Variants in EIF4G3 observed in about 807,000 individuals in gnomAD.
EIF4G3 encodes the protein eIF-4-gamma 3.
Under a neutral mutation model 186.4 loss-of-function variants are expected in EIF4G3, and 34 were observed. The observed-to-expected ratio is 0.18, with a 90% confidence interval of 0.14 to 0.24. EIF4G3 has a LOEUF of 0.24. Among genes scored for constraint, EIF4G3 ranks in the 10% least tolerant of loss-of-function variants. The probability of loss-of-function intolerance (pLI) is 1.00; values close to 1 mark genes in which losing one functional copy is unlikely to be tolerated. For missense variants in EIF4G3, 1,536 were observed against 1,948.5 expected (o/e 0.79, Z 3.99); for synonymous variants, 673 against 679.5 (o/e 0.99, Z 0.15).
intron 4 of EIF4G3, among the ~76,000 whole-genome samples, chr1:21,032,941 A>C (rs1012569270): frequency 1.3e-5 from 2 of 152,238 alleles, no homozygotes; most frequent in African/African-American, 2.4e-5. Context: ...CAAATCCATC[A>C]TAATACAATG....
intron 4 of EIF4G3, among the ~76,000 whole-genome samples, chr1:21,029,965 C>T (rs889038135): frequency 1.3e-5 from 2 of 152,144 alleles, no homozygotes; most frequent in African/African-American, 4.8e-5. Context: ...AGGGGATCCT[C>T]CTACCTCAGC....
At chr1:21,147,589 C>T (rs10218778) in intron 2 of EIF4G3, among the ~76,000 whole-genome samples, 86,370 of 151,670 alleles carry the variant, frequency 0.57, 24,976 homozygotes, top group East Asian at 0.76. Flanking sequence ...CCTCAGCCTC[C>T]CAAAGTGCTG....
intron 4 of EIF4G3, among the ~76,000 whole-genome samples, chr1:21,004,997 A>C (rs2154569234): frequency 6.6e-6 from 1 of 152,232 alleles, no homozygotes; most frequent in African/African-American, 2.4e-5. Context: ...AAAGTATCTC[A>C]TGTCTATCAA....
chr1:20,839,909 CAAAA>C (rs58331252), intron 30 of EIF4G3, among the ~76,000 whole-genome samples: 2 of 128,496 alleles, frequency 1.6e-5, no homozygotes, highest in African/African-American at 3.0e-5. Flanking sequence ...ATGAGCTTGG[CAAAA>C]AAAAAAAAAA....
At chr1:21,033,465 A>G (rs932549012) in intron 4 of EIF4G3, among the ~76,000 whole-genome samples, 1 of 152,186 alleles carries the variant, frequency 6.6e-6, no homozygotes, top group African/African-American at 2.4e-5. Flanking sequence ...TTAAAAAAAA[A>G]AAAGTTAAAT....
chr1:21,069,155 A>G (rs1379890000), intron 3 of EIF4G3, among the ~76,000 whole-genome samples: 2 of 152,152 alleles, frequency 1.3e-5, no homozygotes, highest in Admixed American at 1.3e-4. Context: ...TAACTGATGT[A>G]TGTACACTCA....
chr1:20,984,424 C>G (rs972209505), intron 7 of EIF4G3, among the ~76,000 whole-genome samples: 4 of 151,564 alleles, frequency 2.6e-5, no homozygotes, highest in South Asian at 4.2e-4. Flanking sequence ...TTGGCCTCCC[C>G]CAAAGTGCTG....
In EIF4G3 at chr1:21,002,797, G is replaced by C; in HGVS notation, c.-55C>G. ...TGGTTGGACCTGCATTCTGTCCAGA[G>C]GGATAAGGGGTCTGTCAAAAAATGG... On this transcript the variant is annotated 5_prime_UTR_variant, in exon 5 of 37. Transcript: ENST00000602326. 1 of 1,587,574 alleles carries C rather than the reference G, an allele frequency of 6.3e-7. No homozygotes were observed.
intron 4 of EIF4G3, among the ~76,000 whole-genome samples, chr1:21,013,486 C>T (rs1570971865): frequency 6.6e-6 from 1 of 152,102 alleles, no homozygotes; most frequent in South Asian, 2.1e-4. Flanking sequence ...TTGTTTGCAT[C>T]GTTCTGGCTT....
intron 35 of EIF4G3, among the ~76,000 whole-genome samples, chr1:20,812,260 A>C (rs2059392748): frequency 6.6e-6 from 1 of 152,142 alleles, no homozygotes; most frequent in Admixed American, 6.5e-5. Flanking sequence ...CCACCATCTC[A>C]AGAAAACAAA....
chr1:20,845,355 G>A (rs1421077845), intron 29 of EIF4G3, among the ~76,000 whole-genome samples: 1 of 152,134 alleles, frequency 6.6e-6, no homozygotes, highest in Non-Finnish European at 1.5e-5. Flanking sequence ...TTTGGTTACT[G>A]TAGCCCTGTA....
intron 30 of EIF4G3, among the ~76,000 whole-genome samples, chr1:20,833,223 T>C (rs2154548340): frequency 6.7e-6 from 1 of 148,512 alleles, no homozygotes; most frequent in Admixed American, 6.8e-5. Context: ...TTTCACGATA[T>C]TGATTCTTCC....
chr1:21,145,759 A>G (rs569962985), intron 2 of EIF4G3, among the ~76,000 whole-genome samples: 3 of 152,184 alleles, frequency 2.0e-5, no homozygotes, highest in African/African-American at 7.2e-5. Flanking sequence ...AATCTAGCCA[A>G]TATCACAAAA....
At chr1:20,966,855 A>G (rs572568923) in intron 12 of EIF4G3, among the ~76,000 whole-genome samples, 1 of 152,292 alleles carries the variant, frequency 6.6e-6, no homozygotes, top group East Asian at 1.9e-4. Flanking sequence ...GGAAAATGAA[A>G]TATCTCTAGT....
At chr1:21,075,615 G>C (rs1210246300) in intron 3 of EIF4G3, among the ~76,000 whole-genome samples, 1 of 79,944 alleles carries the variant, frequency 1.3e-5, no homozygotes. Flanking sequence ...GACAGACATA[G>C]ACTAAAAGTG....
At chr1:20,984,469 A>G (rs2078991095) in intron 7 of EIF4G3, among the ~76,000 whole-genome samples, 1 of 151,884 alleles carries the variant, frequency 6.6e-6, no homozygotes, top group African/African-American at 2.4e-5. Flanking sequence ...CTTGGCCAAT[A>G]TACTAATTTT....
intron 4 of EIF4G3, among the ~76,000 whole-genome samples, chr1:21,035,184 T>G (rs1239816273): frequency 2.6e-5 from 4 of 152,266 alleles, no homozygotes; most frequent in Admixed American, 2.6e-4. Flanking sequence ...TCAACCTCAC[T>G]TCTGGCCGTG....
chr1:20,957,057 T>C (rs1002234406), intron 12 of EIF4G3, among the ~76,000 whole-genome samples: 1 of 152,196 alleles, frequency 6.6e-6, no homozygotes, highest in African/African-American at 2.4e-5. Context: ...AATATTGTTT[T>C]TTCTTTAAAC....
At chr1:21,171,790 T>G (rs1043896172) in intron 2 of EIF4G3, among the ~76,000 whole-genome samples, 17 of 152,178 alleles carry the variant, frequency 1.1e-4, no homozygotes, top group Admixed American at 1.0e-3. Context: ...AGTTGCATGG[T>G]TAGTCTAAGA....
Sources: gnomAD v4.1 joint callset for allele counts (sites outside exome capture counted in the v4.1 genomes callset) on GRCh38, gnomAD v4.1.1 for gene constraint, MANE v1.5 for transcripts, NCBI Gene and HGNC (gene_info 2026-07-23, HGNC 2026-07-21) for gene names.